Variants in NLGN1 observed in about 807,000 individuals in gnomAD.
NLGN1 encodes neuroligin 1.
Under a neutral mutation model 65.5 loss-of-function variants are expected in NLGN1, and 12 were observed. The ratio of observed to expected loss-of-function variants is 0.18; its 90% CI spans 0.12 to 0.30. NLGN1 has a LOEUF of 0.30. Among genes scored for constraint, NLGN1 ranks in the 10% least tolerant of loss-of-function variants. NLGN1 has a pLI of 1.00. For synonymous variants in NLGN1, 350 were observed against 359.5 expected (o/e 0.97, Z 0.30); for missense variants, 750 against 1,007.1 (o/e 0.74, Z 3.46).
intron 4 of NLGN1, among the ~76,000 whole-genome samples, chr3:174,121,596 A>G (rs1005139250): frequency 2.0e-5 from 3 of 152,146 alleles, no homozygotes; most frequent in African/African-American, 7.2e-5. Flanking sequence ...GAAAAATAAT[A>G]TTTGCTCCAT....
intron 4 of NLGN1, among the ~76,000 whole-genome samples, chr3:173,878,492 A>G (rs551450567): frequency 1.3e-5 from 2 of 152,190 alleles, no homozygotes; most frequent in South Asian, 4.1e-4. Flanking sequence ...ATAATCAAGT[A>G]TCTTTTTGAA....
intron 3 of NLGN1, among the ~76,000 whole-genome samples, chr3:173,654,147 C>T (rs538235942): frequency 6.6e-6 from 1 of 152,110 alleles, no homozygotes; most frequent in African/African-American, 2.4e-5. Flanking sequence ...TTGTTATAAG[C>T]CAGAAAAATT....
chr3:173,956,258 G>A (rs1397009572), intron 4 of NLGN1, among the ~76,000 whole-genome samples: 2 of 152,066 alleles, frequency 1.3e-5, no homozygotes, highest in Non-Finnish European at 2.9e-5. Flanking sequence ...CAAGAATACA[G>A]CCTTTTCCTA....
chr3:173,526,978 T>C (rs903437440), intron 2 of NLGN1, among the ~76,000 whole-genome samples: 1 of 152,254 alleles, frequency 6.6e-6, no homozygotes, highest in East Asian at 1.9e-4. Context: ...TACCACACTT[T>C]CTTTATCCAT....
intron 4 of NLGN1, among the ~76,000 whole-genome samples, chr3:174,152,675 A>G (rs999342801): frequency 2.6e-5 from 4 of 152,022 alleles, no homozygotes; most frequent in African/African-American, 7.2e-5. Flanking sequence ...AAAAAAATTA[A>G]TAGTACTTTG....
At chr3:173,485,586 T>C (rs541938991) in intron 2 of NLGN1, among the ~76,000 whole-genome samples, 1 of 152,204 alleles carries the variant, frequency 6.6e-6, no homozygotes, top group Non-Finnish European at 1.5e-5. Context: ...GTTTCTCTCT[T>C]AATATTTTCA....
chr3:174,049,740 A>G (rs1313274614), intron 4 of NLGN1, among the ~76,000 whole-genome samples: 4 of 152,138 alleles, frequency 2.6e-5, no homozygotes, highest in African/African-American at 9.7e-5. Context: ...GACACTATGT[A>G]AATACGATTA....
intron 2 of NLGN1, among the ~76,000 whole-genome samples, chr3:173,512,660 G>A (rs544090822): frequency 9.9e-5 from 15 of 152,194 alleles, no homozygotes; most frequent in African/African-American, 2.9e-4. Flanking sequence ...TGGACACACA[G>A]GGATGGAAGT....
intron 4 of NLGN1, among the ~76,000 whole-genome samples, chr3:173,922,389 A>G (rs926588301): frequency 6.6e-6 from 1 of 152,110 alleles, no homozygotes; most frequent in Admixed American, 6.6e-5. Flanking sequence ...AGAGAATTAT[A>G]TATAATGTTA....
intron 3 of NLGN1, among the ~76,000 whole-genome samples, chr3:173,635,892 T>A (rs77561813): frequency 6.6e-6 from 1 of 152,178 alleles, no homozygotes; most frequent in Non-Finnish European, 1.5e-5. Flanking sequence ...AATTTTTTTT[T>A]ACTATGGAAT....
rs1751251156 is a variant in NLGN1 at position 174,279,807 on chromosome 3, TAA to T, written c.1649+160_1649+161del. 1.3e-5 allele frequency among the ~76,000 whole-genome samples: 2 copies of T among 152,040 alleles called. No homozygotes were observed. The highest frequency in any genetic ancestry group is 1.3e-4 in the Admixed American group (2 of 15,232). On this transcript the variant is annotated intron_variant, in intron 6 of 6. Coordinates refer to ENST00000457714, the Ensembl canonical transcript of NLGN1. This position sits in a 1 kb window ranked among gnomAD's most constrained non-coding sequence, Gnocchi z 4.7. ...AATTAATTCTATATTATGGTGTTTT[TAA>T]AAGTCATTGCTTTATTATTTCTGGT...
chr3:173,439,532 CAAAA>C (rs200232920), intron 2 of NLGN1, among the ~76,000 whole-genome samples: 4 of 122,890 alleles, frequency 3.3e-5, no homozygotes, highest in Non-Finnish European at 5.4e-5. Context: ...CATTCACCTG[CAAAA>C]AAAAAAAAAA....
At chr3:173,630,675 A>G (rs927683252) in intron 3 of NLGN1, among the ~76,000 whole-genome samples, 11 of 151,840 alleles carry the variant, frequency 7.2e-5, no homozygotes, top group Non-Finnish European at 1.6e-4. Context: ...TGTGAGGCCT[A>G]TTTATTATCT....
intron 2 of NLGN1, among the ~76,000 whole-genome samples, chr3:173,561,229 G>T (rs1742677512): frequency 6.6e-6 from 1 of 152,224 alleles, no homozygotes; most frequent in Non-Finnish European, 1.5e-5. Context: ...GCTGACATTT[G>T]ATCTGTTTTA....
At chr3:173,483,373 G>A (rs1727622318) in intron 2 of NLGN1, among the ~76,000 whole-genome samples, 1 of 151,840 alleles carries the variant, frequency 6.6e-6, no homozygotes, top group Non-Finnish European at 1.5e-5. Flanking sequence ...ATTTCATGAA[G>A]GTCAAAGCAG....
intron 4 of NLGN1, among the ~76,000 whole-genome samples, chr3:173,848,702 A>G (rs1033567961): frequency 1.3e-5 from 2 of 152,134 alleles, no homozygotes; most frequent in Non-Finnish European, 2.9e-5. Flanking sequence ...ATGAACAATT[A>G]CCTTCCAATT....
chr3:173,648,026 A>G (rs140915625), intron 3 of NLGN1, among the ~76,000 whole-genome samples: 2 of 152,170 alleles, frequency 1.3e-5, no homozygotes, highest in African/African-American at 4.8e-5. Context: ...CTTTTTTCTT[A>G]AAAGGAAAGA....
At chr3:174,067,200 T>C (rs916310693) in intron 4 of NLGN1, among the ~76,000 whole-genome samples, 8 of 152,156 alleles carry the variant, frequency 5.3e-5, no homozygotes, top group African/African-American at 1.9e-4. Context: ...TTTTCTTCCG[T>C]TGCTGAGAGA....
At chr3:174,138,393 A>G (rs951993734) in intron 4 of NLGN1, among the ~76,000 whole-genome samples, 2 of 150,672 alleles carry the variant, frequency 1.3e-5, no homozygotes, top group African/African-American at 4.9e-5. Context: ...TTATTTTGTT[A>G]TAATTTACTC....
Sources: gnomAD v4.1 joint callset for allele counts (sites outside exome capture counted in the v4.1 genomes callset) on GRCh38, gnomAD v4.1.1 for gene constraint, Gnocchi (gnomAD v3.1) non-coding constraint, MANE v1.5 for transcripts, NCBI Gene and HGNC (gene_info 2026-07-23, HGNC 2026-07-21) for gene names.